Variants in TAFA1 observed in about 807,000 individuals in gnomAD.
TAFA1 encodes chemokine-like protein TAFA-1.
A neutral mutation model predicts 18.5 loss-of-function variants in TAFA1; 4 were observed. That is an observed-to-expected ratio of 0.22 (90% CI 0.11 to 0.49). The LOEUF (loss-of-function observed/expected upper bound fraction) is 0.49, where lower values mean the gene tolerates loss of function less well. TAFA1 is among the 20% of genes least tolerant of loss of function. The pLI is 0.98. For missense variants in TAFA1, 147 were observed against 169.0 expected (o/e 0.87, Z 0.72); for synonymous variants, 56 against 55.2 (o/e 1.01, Z -0.06).
At chr3:68,125,720 A>G (rs1020721724) in intron 2 of TAFA1, among the ~76,000 whole-genome samples, 1 of 152,150 alleles carries the variant, frequency 6.6e-6, no homozygotes, top group African/African-American at 2.4e-5. Flanking sequence ...CATTTTAGCC[A>G]CTGCTGTGGT....
At chr3:68,335,459 C>T (rs947234079) in intron 2 of TAFA1, among the ~76,000 whole-genome samples, 5 of 152,146 alleles carry the variant, frequency 3.3e-5, no homozygotes, top group African/African-American at 9.7e-5. Flanking sequence ...TGATTATACA[C>T]ATGATCTTAC....
At chr3:68,418,792 A>C (rs1451904426) in intron 3 of TAFA1, among the ~76,000 whole-genome samples, 1 of 152,188 alleles carries the variant, frequency 6.6e-6, no homozygotes, top group Non-Finnish European at 1.5e-5. Context: ...TGTGCTAAAC[A>C]CTTCTCATGC....
intron 3 of TAFA1, among the ~76,000 whole-genome samples, chr3:68,442,445 C>G (rs1230693349): frequency 6.6e-6 from 1 of 152,134 alleles, no homozygotes; most frequent in Non-Finnish European, 1.5e-5. Flanking sequence ...GGGCAGAGCA[C>G]TCATGTGACT....
intron 2 of TAFA1, among the ~76,000 whole-genome samples, chr3:68,171,408 C>T (rs1263765313): frequency 1.3e-5 from 2 of 152,134 alleles, no homozygotes; most frequent in African/African-American, 4.8e-5. Flanking sequence ...TTATAACCAG[C>T]AGAACTTCAA....
chr3:68,372,397 A>G (rs937197186), intron 2 of TAFA1, among the ~76,000 whole-genome samples: 1 of 152,188 alleles, frequency 6.6e-6, no homozygotes, highest in African/African-American at 2.4e-5. Context: ...GTGGATCCAG[A>G]CTTAAATGGA....
intron 2 of TAFA1, among the ~76,000 whole-genome samples, chr3:68,239,410 A>G (rs2066969679): frequency 6.6e-6 from 1 of 152,116 alleles, no homozygotes; most frequent in South Asian, 2.1e-4. Context: ...TTGAACTTCC[A>G]CTTTATGGTA....
intron 2 of TAFA1, among the ~76,000 whole-genome samples, chr3:68,386,096 A>G (rs2070096330): frequency 6.6e-6 from 1 of 152,146 alleles, no homozygotes; most frequent in African/African-American, 2.4e-5. Flanking sequence ...CTTCACAGAA[A>G]AACTTTGCTG....
chr3:68,097,162 A>G (rs2065095879), intron 2 of TAFA1, among the ~76,000 whole-genome samples: 1 of 152,142 alleles, frequency 6.6e-6, no homozygotes, highest in Non-Finnish European at 1.5e-5. Context: ...AAGAGAAATG[A>G]TCGCCTGACA....
At chr3:68,506,472 G>GAC (rs55813351) in intron 3 of TAFA1, among the ~76,000 whole-genome samples, 30,069 of 150,808 alleles carry the variant, frequency 0.2, 3,755 homozygotes, top group East Asian at 0.44. Flanking sequence ...CACACACAGA[G>GAC]ACACACACAC....
chr3:68,086,572 C>T (rs902004262), intron 2 of TAFA1, among the ~76,000 whole-genome samples: 3 of 152,048 alleles, frequency 2.0e-5, no homozygotes, highest in African/African-American at 7.2e-5. Flanking sequence ...ATAATTTTTC[C>T]TTCTAATTTT....
chr3:68,183,403 A>G (rs1452193641), intron 2 of TAFA1, among the ~76,000 whole-genome samples: 2 of 152,164 alleles, frequency 1.3e-5, no homozygotes, highest in African/African-American at 4.8e-5. Context: ...CTAGCAACTT[A>G]TTATGTTTCA....
intron 2 of TAFA1, among the ~76,000 whole-genome samples, chr3:68,043,554 C>T (rs1705210454): frequency 1.3e-5 from 2 of 152,108 alleles, no homozygotes; most frequent in African/African-American, 4.8e-5. Context: ...AGAAGTGAGT[C>T]CATTATTCAT....
In TAFA1 at chr3:68,135,484, C is replaced by A. The variant is rs147382817; in HGVS notation, c.118+128740C>A. Among the ~76,000 whole-genome samples the A allele has an allele frequency of 1.5e-3, 227 of 152,310 alleles. 1 individual carries two copies. The highest frequency in any genetic ancestry group is 5.2e-3 in the African/African-American group (216 of 41,568). On this transcript the variant is annotated intron_variant, in intron 2 of 4. Transcript: ENST00000478136. ...AGCACACACTCTAGAGTCTACAAGA[C>A]CCAGGTTCAAACCCCCAGGTTGGCT...
intron 3 of TAFA1, among the ~76,000 whole-genome samples, chr3:68,481,281 C>T (rs2072232217): frequency 6.6e-6 from 1 of 152,180 alleles, no homozygotes; most frequent in Admixed American, 6.5e-5. Flanking sequence ...TATCTGGCAC[C>T]ACCAGGGAGA....
intron 2 of TAFA1, among the ~76,000 whole-genome samples, chr3:68,334,549 G>A (rs180805436): frequency 6.6e-6 from 1 of 152,170 alleles, no homozygotes; most frequent in East Asian, 1.9e-4. Flanking sequence ...ATCATGTGGT[G>A]ATGTTGTTAA....
chr3:68,318,241 G>GACACACC (rs1174100702), intron 2 of TAFA1, among the ~76,000 whole-genome samples: 6 of 152,248 alleles, frequency 3.9e-5, no homozygotes, highest in African/African-American at 1.4e-4. Context: ...TTCTAATGGT[G>GACACACC]ACACACCTCG....
intron 2 of TAFA1, among the ~76,000 whole-genome samples, chr3:68,212,231 C>CA (rs2066606284): frequency 7.0e-6 from 1 of 142,960 alleles, no homozygotes; most frequent in African/African-American, 2.6e-5. Flanking sequence ...GTTCAAGACC[C>CA]GAAAAAAAAA....
intron 2 of TAFA1, among the ~76,000 whole-genome samples, chr3:68,279,817 A>G (rs1464187589): frequency 6.6e-6 from 1 of 152,212 alleles, no homozygotes; most frequent in African/African-American, 2.4e-5. Flanking sequence ...ATTACACAGT[A>G]CATATAACAG....
At chr3:68,322,792 A>T (rs978423923) in intron 2 of TAFA1, among the ~76,000 whole-genome samples, 1 of 152,022 alleles carries the variant, frequency 6.6e-6, no homozygotes, top group Non-Finnish European at 1.5e-5. Flanking sequence ...AAAATACAAA[A>T]ATTAGCTGGG....
Sources: allele counts gnomAD v4.1 joint callset (sites outside exome capture counted in the v4.1 genomes callset), GRCh38; gene constraint gnomAD v4.1.1; transcripts MANE v1.5; gene names NCBI Gene and HGNC (gene_info 2026-07-23, HGNC 2026-07-21).